Variants in MYO16 observed in about 807,000 individuals in gnomAD.
MYO16 encodes unconventional myosin-XVI.
In MYO16, 94 loss-of-function variants were observed where a neutral mutation model predicts 205.3. That is an observed-to-expected ratio of 0.46 (90% CI 0.39 to 0.54). The LOEUF (loss-of-function observed/expected upper bound fraction) is 0.54. Among genes scored for constraint, MYO16 ranks in the 20% least tolerant of loss-of-function variants. The probability of loss-of-function intolerance (pLI) is 0.00; values close to 1 mark genes in which losing one functional copy is unlikely to be tolerated. For missense variants in MYO16, 2,315 were observed against 2,387.5 expected, an observed-to-expected ratio of 0.97 and a Z score of 0.63; for synonymous variants, 988 against 954.0, an observed-to-expected ratio of 1.04 and a Z score of -0.66.
intron 4 of MYO16, among the ~76,000 whole-genome samples, chr13:108,741,501 CTA>C (rs1165752041): frequency 6.6e-6 from 1 of 152,054 alleles, no homozygotes; most frequent in Non-Finnish European, 1.5e-5. Flanking sequence ...CTTGTTTATT[CTA>C]TGAGAGCTGA....
the MYO16 span, among the ~76,000 whole-genome samples, chr13:108,536,607 T>G: frequency 2.0e-5 from 3 of 152,110 alleles, no homozygotes; most frequent in Non-Finnish European, 4.4e-5. Context: ...ACTCATCACT[T>G]AATAATGAAA....
At chr13:109,049,216 T>C (rs1887156247) in intron 24 of MYO16, among the ~76,000 whole-genome samples, 2 of 152,006 alleles carry the variant, frequency 1.3e-5, no homozygotes, top group South Asian at 4.2e-4. Flanking sequence ...AGTATTTATA[T>C]AGAGTGACAT....
chr13:108,564,693 C>T, the MYO16 span, among the ~76,000 whole-genome samples: 3 of 152,116 alleles, frequency 2.0e-5, no homozygotes, highest in East Asian at 1.9e-4. Context: ...TGGTTGCTTA[C>T]GCTTGTAGAA....
At chr13:109,116,814 G>A (rs1875713270) in intron 28 of MYO16, among the ~76,000 whole-genome samples, 1 of 152,136 alleles carries the variant, frequency 6.6e-6, no homozygotes, top group African/African-American at 2.4e-5. Flanking sequence ...TAATGGCTGG[G>A]AAGGAGCAGG....
chr13:108,992,291 G>A (rs1024289645), intron 20 of MYO16, 85 bp from the exon 21 acceptor site: 4 of 896,636 alleles, frequency 4.5e-6, no homozygotes, highest in Non-Finnish European at 6.7e-6. Flanking sequence ...TAAGTGGCTG[G>A]ATTCTTCTGA....
In MYO16 at chr13:109,127,486, G is replaced by A. The variant is rs772550125; in HGVS notation, c.3987G>A (p.Arg1329=). ...PPKPKRDPNT[R]LSASYEAVSA... ...AGCCAAAGAGGGACCCCAACACCCG[G>A]CTGAGTGCTTCCTATGAGGCTGTGA... The change falls in exon 31 of 35, where the codon CGG becomes CGA. Residue 1329 remains arginine, a synonymous_variant. Transcript: ENST00000457511. The surrounding 1 kb of genome is among the most constrained non-coding windows in gnomAD (Gnocchi z 4.2). 2 of 1,613,690 alleles carry A rather than the reference G, an allele frequency of 1.2e-6. No homozygotes were observed. The highest frequency in any genetic ancestry group is 1.7e-6 in the Non-Finnish European group (2 of 1,179,956).
intron 16 of MYO16, among the ~76,000 whole-genome samples, chr13:108,913,635 C>G (rs1051728954): frequency 1.3e-5 from 2 of 152,150 alleles, no homozygotes; most frequent in Non-Finnish European, 2.9e-5. Context: ...AAAATTGGTA[C>G]CCATAGGTAA....
intron 16 of MYO16, among the ~76,000 whole-genome samples, chr13:108,950,316 A>G (rs1282081426): frequency 3.3e-5 from 5 of 152,228 alleles, no homozygotes; most frequent in Non-Finnish European, 2.9e-5. Flanking sequence ...GAATATATAA[A>G]CAGCACTCCA....
intron 1 of MYO16, among the ~76,000 whole-genome samples, chr13:108,635,016 A>G (rs1312906573): frequency 6.6e-6 from 1 of 151,668 alleles, no homozygotes; most frequent in African/African-American, 2.4e-5. Flanking sequence ...AATAGTCTAT[A>G]GCATTTATTA....
intron 4 of MYO16, among the ~76,000 whole-genome samples, chr13:108,728,082 C>T (rs1039007602): frequency 5.9e-5 from 9 of 152,008 alleles, no homozygotes; most frequent in Admixed American, 3.9e-4. Flanking sequence ...TACATCCAGA[C>T]GTTGATCCTC....
intron 22 of MYO16, among the ~76,000 whole-genome samples, chr13:109,018,974 G>GGT (rs771195676): frequency 2.3e-5 from 3 of 131,568 alleles, no homozygotes; most frequent in African/African-American, 5.7e-5. Flanking sequence ...TTTTTTTTTT[G>GGT]TTTTTTTTTT....
intron 1 of MYO16, among the ~76,000 whole-genome samples, chr13:108,660,081 A>C (rs1881436018): frequency 6.6e-6 from 1 of 152,178 alleles, no homozygotes; most frequent in Non-Finnish European, 1.5e-5. Context: ...TAGCCTGGGC[A>C]ACAGAGCAAG....
intron 34 of MYO16, among the ~76,000 whole-genome samples, chr13:109,198,936 G>T (rs74467490): frequency 4.6e-4 from 70 of 152,050 alleles, no homozygotes; most frequent in Non-Finnish European, 7.9e-4. Context: ...CACTGACTGT[G>T]CTCAAAACCA....
At chr13:108,678,494 C>G (rs1475050885) in intron 2 of MYO16, among the ~76,000 whole-genome samples, 1 of 152,170 alleles carries the variant, frequency 6.6e-6, no homozygotes, top group Non-Finnish European at 1.5e-5. Flanking sequence ...TCGAACTTCT[C>G]TCTTCCATTG....
chr13:109,179,629 C>T lies in MYO16; in HGVS notation c.5411C>T (p.Thr1804Ile). ...CAAAGACACAGGGACAGTCACACCA[C>T]TCAGGTAATGATGTCTGTCTGTTCA... is the stretch of plus-strand genomic sequence containing the variant. ...TFQRHRDSHTTQVIHQLRLSE... is the reference protein window; with the variant it reads ...TFQRHRDSHTIQVIHQLRLSE... Residue 1804 changes from threonine to isoleucine, a missense_variant, in exon 34 of 35, where the codon ACT becomes ATT. By Grantham distance (89) the Thr-to-Ile change is moderately conservative. Around this residue, in one of 3 missense-constraint regions of MYO16, gnomAD observed 1,097 missense variants for 1,092.0 expected, o/e 1.00. Coordinates refer to ENST00000457511, the MANE Select transcript of MYO16 (RefSeq NM_001198950.3). 1 of 1,611,254 alleles carries T rather than the reference C, an allele frequency of 6.2e-7. No homozygotes were observed. The highest frequency in any genetic ancestry group is 8.5e-7 in the Non-Finnish European group (1 of 1,177,450).
upstream of MYO16, among the ~76,000 whole-genome samples, chr13:108,593,480 C>T (rs11069743): frequency 0.27 from 40,864 of 152,082 alleles, 5,628 homozygotes; most frequent in Middle Eastern, 0.32. Flanking sequence ...ACACCACCCA[C>T]GGCAGGACGG....
chr13:109,051,076 C>A (rs532642255), intron 24 of MYO16, among the ~76,000 whole-genome samples: 5 of 152,190 alleles, frequency 3.3e-5, no homozygotes, highest in African/African-American at 1.2e-4. Context: ...GGAATCTGAA[C>A]ATTTAAGATG....
chr13:108,921,945 G>A lies in MYO16; in HGVS notation c.1925+11795G>A, dbSNP rs1248230210. ...TAGTATTGTCACTATTAGTGTAGAA[G>A]GCTCCTTCCCATTGGAGTCATGTGA... On this transcript the variant is annotated intron_variant, in intron 16 of 34. Transcript: ENST00000457511. Among the ~76,000 whole-genome samples, 3 of 152,170 alleles carry A rather than the reference G, an allele frequency of 2.0e-5. No homozygotes were observed. In the East Asian group the frequency reaches 5.8e-4, roughly 29 times the overall value.
At chr13:108,818,856 G>T (rs1387827936) in intron 7 of MYO16, among the ~76,000 whole-genome samples, 1 of 152,124 alleles carries the variant, frequency 6.6e-6, no homozygotes, top group Non-Finnish European at 1.5e-5. Flanking sequence ...ATACCAAAAA[G>T]AAATCCAGGA....
Sources: allele counts gnomAD v4.1 joint callset (sites outside exome capture counted in the v4.1 genomes callset), GRCh38; gene constraint gnomAD v4.1.1; regional missense constraint gnomAD v4.1.1; non-coding constraint Gnocchi (gnomAD v3.1); transcripts MANE v1.5; gene names NCBI Gene and HGNC (gene_info 2026-07-23, HGNC 2026-07-21).